EXOC2: variants seen among roughly 807,000 people sequenced by gnomAD.
The protein encoded by EXOC2 is SEC5-like 1.
In EXOC2, 70 loss-of-function variants were observed where a neutral mutation model predicts 131.8. The ratio of observed to expected loss-of-function variants is 0.53; its 90% CI spans 0.44 to 0.65. EXOC2 has a LOEUF of 0.65. Ranked by LOEUF, EXOC2 falls within the 30% of genes least tolerant of loss-of-function variation. The probability of loss-of-function intolerance (pLI) is 0.00; values close to 1 mark genes in which losing one functional copy is unlikely to be tolerated. For synonymous variants in EXOC2, 411 were observed against 398.4 expected (o/e 1.03, Z -0.38); for missense variants, 923 against 1,108.6 (o/e 0.83, Z 2.38).
intron 10 of EXOC2, 26 bp downstream of exon 10, chr6:597,995 C>T: frequency 6.4e-7 from 1 of 1,552,930 alleles, no homozygotes; most frequent in South Asian, 1.1e-5. Context: ...ACATGTGATT[C>T]AACAAAATGT....
chr6:681,546 A>G (rs939695409), intron 1 of EXOC2, among the ~76,000 whole-genome samples: 1 of 152,220 alleles, frequency 6.6e-6, no homozygotes, highest in South Asian at 2.1e-4. Context: ...TAAGATATTT[A>G]TAATGAAAGT....
chr6:550,870 A>G (rs1159929861), intron 21 of EXOC2, among the ~76,000 whole-genome samples: 1 of 152,230 alleles, frequency 6.6e-6, no homozygotes, highest in Non-Finnish European at 1.5e-5. Flanking sequence ...TCCAGAGTCA[A>G]GTCTCCTTAT....
intron 1 of EXOC2, chr6:656,099 GCTGAATTTTTACAAGGCAGGAATGAAATA>G (rs766323102): frequency 3.2e-6 from 5 of 1,573,566 alleles, no homozygotes; most frequent in Non-Finnish European, 2.6e-6. Flanking sequence ...ATCTAAGCTG[GCTGAATTTTTACAAGGCAGGAATGAAATA>G]CTGAAGAGAG....
intron 22 of EXOC2, among the ~76,000 whole-genome samples, chr6:545,715 T>G (rs1756813190): frequency 6.6e-6 from 1 of 152,246 alleles, no homozygotes; most frequent in South Asian, 2.1e-4. Flanking sequence ...GGGCTGTGAA[T>G]CTACTTCAGG....
chr6:684,105 C>T (rs1764535808), intron 1 of EXOC2, among the ~76,000 whole-genome samples: 1 of 152,214 alleles, frequency 6.6e-6, no homozygotes, highest in Non-Finnish European at 1.5e-5. Context: ...CACACAGCGC[C>T]AGCTGAACTC....
At chr6:593,021 C>T (rs961263057) in intron 10 of EXOC2, among the ~76,000 whole-genome samples, 2 of 151,984 alleles carry the variant, frequency 1.3e-5, no homozygotes, top group East Asian at 1.9e-4. Context: ...CAGAGTGAGA[C>T]GCCATCTCCA....
chr6:532,557 G>A lies in EXOC2; in HGVS notation c.2292C>T (p.Ile764=), dbSNP rs560648856. 31 of 1,609,188 alleles carry A rather than the reference G, an allele frequency of 1.9e-5. No individual in the cohort carries two copies. The highest frequency in any genetic ancestry group is 5.1e-5 in the Admixed American group (3 of 58,896). ...CAACGATGGGATCTGCTTTCAACTC[G>A]ATGTAATTTTCAAAGAGTCTTTGAT... ...ELDQRLFENY[I]ELKADPIVGS... The change falls in exon 23 of 28, where the codon ATC becomes ATT. Residue 764 remains isoleucine (I), a synonymous_variant. Coordinates refer to ENST00000230449, the MANE Select transcript of EXOC2 (RefSeq NM_018303.6).
At chr6:532,949 G>T (rs1766183545) in intron 22 of EXOC2, among the ~76,000 whole-genome samples, 1 of 152,164 alleles carries the variant, frequency 6.6e-6, no homozygotes, top group Non-Finnish European at 1.5e-5. Flanking sequence ...GAAACTTACA[G>T]TCTTGGTGGA....
chr6:667,577 T>G (rs1763673332), intron 1 of EXOC2, among the ~76,000 whole-genome samples: 1 of 97,252 alleles, frequency 1.0e-5, no homozygotes, highest in African/African-American at 3.1e-5. Flanking sequence ...AATTCTCTCC[T>G]TTTTGGAACT....
intron 1 of EXOC2, among the ~76,000 whole-genome samples, chr6:647,214 A>T (rs550986741): frequency 5.4e-4 from 83 of 152,304 alleles, no homozygotes; most frequent in African/African-American, 1.8e-3. Flanking sequence ...GGTCTAGATC[A>T]CATAAAGAAC....
At chr6:578,170 T>C (rs1238477178) in intron 11 of EXOC2, among the ~76,000 whole-genome samples, 1 of 152,226 alleles carries the variant, frequency 6.6e-6, no homozygotes, top group Non-Finnish European at 1.5e-5. Flanking sequence ...ATTTTTTACT[T>C]TATAACTTAA....
At chr6:582,158 T>A (rs1758941731) in intron 11 of EXOC2, among the ~76,000 whole-genome samples, 1 of 152,172 alleles carries the variant, frequency 6.6e-6, no homozygotes, top group Non-Finnish European at 1.5e-5. Flanking sequence ...TACCTAGAAT[T>A]CTGTAGGACT....
At position 506,138 on chromosome 6, in the gene EXOC2, G is replaced by A. The variant is rs1455954497; in HGVS notation, c.2381-6438C>T. ...GAAAAATATAGTTTGAATAAAGTAAGTACAGTAGTATAGAATATTGCTGAG... is the reference window on the plus strand; with the variant it reads ...GAAAAATATAGTTTGAATAAAGTAAATACAGTAGTATAGAATATTGCTGAG... On this transcript the variant is annotated intron_variant, in intron 23 of 27. Coordinates refer to ENST00000230449, the MANE Select transcript of EXOC2 (RefSeq NM_018303.6). This position sits in a 1 kb window ranked among gnomAD's most constrained non-coding sequence, Gnocchi z 4.4. Among the ~76,000 whole-genome samples, 7 of 152,208 alleles carry A rather than the reference G, an allele frequency of 4.6e-5. No individual in the cohort carries two copies. The East Asian group carries it at 1.2e-3, about 25-fold the overall frequency.
At chr6:623,146 T>C (rs1761378884) in intron 4 of EXOC2, among the ~76,000 whole-genome samples, 1 of 152,154 alleles carries the variant, frequency 6.6e-6, no homozygotes, top group Non-Finnish European at 1.5e-5. Flanking sequence ...GCCATGAACA[T>C]CCCGTGCACC....
chr6:575,200 C>T (rs550460072), intron 12 of EXOC2, among the ~76,000 whole-genome samples: 4 of 152,244 alleles, frequency 2.6e-5, no homozygotes, highest in African/African-American at 9.6e-5. Flanking sequence ...GCCCGTGTGC[C>T]CCGAGAACAC....
intron 10 of EXOC2, 149 bp from the exon 11 acceptor site, chr6:592,736 A>G (rs1306685027): frequency 1.6e-6 from 1 of 609,032 alleles, no homozygotes. Context: ...AATATATTCA[A>G]ATTTCTTGGC....
intron 1 of EXOC2, among the ~76,000 whole-genome samples, chr6:670,871 C>T (rs4960175): frequency 0.76 from 115,782 of 151,886 alleles, 44,716 homozygotes; most frequent in East Asian, 1. Context: ...CTTCCATGAG[C>T]CCATTGGGGT....
Position 491,137 on chromosome 6 carries a change from G to A in EXOC2, c.2609C>T (p.Thr870Ile), listed in dbSNP as rs1341981950. ...CACTGCCACTTACTTGCTTTCGGGTGTCAGGTAAACAGCCACAGTGTCCCT... is the reference window on the plus strand; with the variant it reads ...CACTGCCACTTACTTGCTTTCGGGTATCAGGTAAACAGCCACAGTGTCCCT... The part of the protein sequence containing the change: ...ALRDTVAVYL[T>I]PESKSSFKQA... Residue 870 changes from threonine (T) to isoleucine (I), a missense_variant, in exon 26 of 28, where the codon ACA (threonine) becomes ATA (isoleucine). Coordinates refer to ENST00000230449, the MANE Select transcript of EXOC2 (RefSeq NM_018303.6). The A allele has an allele frequency of 1.9e-5, 31 of 1,614,024 alleles. No individual in the cohort carries two copies. Among genetic ancestry groups the A allele is most frequent in the Non-Finnish European group, 2.5e-5 (30 of 1,180,008 alleles).
chr6:649,358 T>C (rs994862840), intron 1 of EXOC2, among the ~76,000 whole-genome samples: 1 of 152,118 alleles, frequency 6.6e-6, no homozygotes, highest in African/African-American at 2.4e-5. Context: ...AATGGGCAAA[T>C]AATAAACGTT....
Sources: gnomAD v4.1 joint callset for allele counts (sites outside exome capture counted in the v4.1 genomes callset) on GRCh38, gnomAD v4.1.1 for gene constraint, Gnocchi (gnomAD v3.1) non-coding constraint, MANE v1.5 for transcripts, NCBI Gene and HGNC (gene_info 2026-07-23, HGNC 2026-07-21) for gene names.